The following DLGAP2 variants were observed in gnomAD, a reference collection of about 807,000 sequenced individuals.
The protein encoded by DLGAP2 is DLG associated protein 2, also known as disks large-associated protein 2.
A neutral mutation model predicts 100.3 loss-of-function variants in DLGAP2; 26 were observed. That is an observed-to-expected ratio of 0.26 (90% CI 0.19 to 0.36). The LOEUF (loss-of-function observed/expected upper bound fraction) is 0.36. Among genes scored for constraint, DLGAP2 ranks in the 10% least tolerant of loss-of-function variants. DLGAP2 has a pLI of 1.00. For missense variants in DLGAP2, 1,858 were observed against 1,453.2 expected, an observed-to-expected ratio of 1.28 and a Z score of -4.53; for synonymous variants, 886 against 630.1, an observed-to-expected ratio of 1.41 and a Z score of -6.08.
At chr8:1,356,307 C>CT (rs1716414792) in intron 3 of DLGAP2, among the ~76,000 whole-genome samples, 1 of 152,238 alleles carries the variant, frequency 6.6e-6, no homozygotes, top group Admixed American at 6.5e-5. Context: ...TATCACTCCC[C>CT]TCACCTTACG....
chr8:1,549,026 C>T lies in DLGAP2; in HGVS notation c.573C>T (p.Asn191=), dbSNP rs569842232. 3.8e-6 allele frequency: 6 copies of T among 1,596,560 alleles called. No individual in the cohort carries two copies. The highest frequency in any genetic ancestry group is 5.1e-6 in the Non-Finnish European group (6 of 1,176,842). ...AGAKINRIPA[N]LLDQFEKQLP... Reference sequence around the variant, plus strand: ...CCAAGATCAACCGCATCCCGGCCAACCTGCTGGACCAGTTCGAGAAGCAGC... The same window carrying T: ...CCAAGATCAACCGCATCCCGGCCAATCTGCTGGACCAGTTCGAGAAGCAGC... Residue 191 remains asparagine (N), a synonymous_variant, in exon 5 of 15, where the codon AAC becomes AAT. Coordinates refer to ENST00000637795, the MANE Select transcript of DLGAP2 (RefSeq NM_001346810.2).
intron 1 of DLGAP2, among the ~76,000 whole-genome samples, chr8:835,333 A>G (rs2132707481): frequency 6.6e-6 from 1 of 152,226 alleles, no homozygotes; most frequent in East Asian, 1.9e-4. Context: ...TAGTAAGCCA[A>G]CATTTGGGGT....
At chr8:1,123,338 T>C (rs1796092605) in intron 2 of DLGAP2, among the ~76,000 whole-genome samples, 1 of 152,070 alleles carries the variant, frequency 6.6e-6, no homozygotes, top group African/African-American at 2.4e-5. Flanking sequence ...ATGAGGCGGG[T>C]GATAATATTT....
At chr8:1,601,945 G>GGTGTGT (rs55762722) in intron 6 of DLGAP2, among the ~76,000 whole-genome samples, 10,649 of 146,242 alleles carry the variant, frequency 0.073, 687 homozygotes, top group African/African-American at 0.17. Flanking sequence ...AATTTAACAG[G>GGTGTGT]GTGTGTGTGT....
At chr8:1,568,685 T>C (rs1365017800) in intron 6 of DLGAP2, among the ~76,000 whole-genome samples, 1 of 87,916 alleles carries the variant, frequency 1.1e-5, no homozygotes, top group African/African-American at 4.6e-5. Flanking sequence ...CACAAATCCG[T>C]CTCTGCCCGT....
intron 13 of DLGAP2, among the ~76,000 whole-genome samples, chr8:1,692,831 A>C (rs78380211): frequency 6.6e-6 from 1 of 151,264 alleles, no homozygotes; most frequent in African/African-American, 2.4e-5. Context: ...AAAAAGAAAA[A>C]CCACATATAT....
At chr8:1,584,248 G>A (rs1327673815) in intron 6 of DLGAP2, among the ~76,000 whole-genome samples, 4 of 152,138 alleles carry the variant, frequency 2.6e-5, no homozygotes, top group East Asian at 1.9e-4. Context: ...TAGCGACGCC[G>A]ATAAAGTAAT....
At chr8:938,899 C>G (rs1424824517) in intron 2 of DLGAP2, among the ~76,000 whole-genome samples, 1 of 152,200 alleles carries the variant, frequency 6.6e-6, no homozygotes, top group Non-Finnish European at 1.5e-5. Context: ...CCTTAAGCCC[C>G]GAGGAAGAGT....
Position 1,632,808 on chromosome 8 carries a change from G to T in DLGAP2, c.1591-19G>T, listed in dbSNP as rs1293787761. On this transcript the variant is annotated intron_variant, in intron 7 of 14. Transcript: ENST00000637795. ...ACCCTGGAGGGCCGGGGCATCACGT[G>T]TGCTGTTGATGATTGCAGGTGAGCG... is the stretch of plus-strand genomic sequence containing the variant. The T allele has an allele frequency of 3.1e-6, 5 of 1,590,866 alleles. No homozygotes were observed. Among genetic ancestry groups the T allele is most frequent in the South Asian group, 2.3e-5 (2 of 86,178 alleles).
intron 4 of DLGAP2, among the ~76,000 whole-genome samples, chr8:1,512,017 C>T (rs958924375): frequency 3.3e-5 from 5 of 152,264 alleles, no homozygotes; most frequent in Non-Finnish European, 7.3e-5. Flanking sequence ...AATTACACAT[C>T]TGACTAACAA....
chr8:779,116 G>A (rs189516052), intron 1 of DLGAP2, among the ~76,000 whole-genome samples: 1 of 152,254 alleles, frequency 6.6e-6, no homozygotes, highest in Non-Finnish European at 1.5e-5. Flanking sequence ...GGTGCCGTCC[G>A]TCACCCCTTT....
chr8:946,532 G>A (rs1030151815), intron 2 of DLGAP2, among the ~76,000 whole-genome samples: 32 of 152,244 alleles, frequency 2.1e-4, no homozygotes, highest in South Asian at 4.1e-4. Context: ...CAAAGTGCTG[G>A]GATTACAGGC....
intron 1 of DLGAP2, among the ~76,000 whole-genome samples, chr8:907,219 G>C (rs969612521): frequency 6.6e-6 from 1 of 152,214 alleles, no homozygotes; most frequent in Non-Finnish European, 1.5e-5. Context: ...ATCGTGTGGA[G>C]TATTTAGGAT....
chr8:1,457,975 C>T (rs1238914252), intron 3 of DLGAP2, among the ~76,000 whole-genome samples: 13 of 107,732 alleles, frequency 1.2e-4, no homozygotes, highest in Non-Finnish European at 1.7e-4. Flanking sequence ...GTTCTCTGAT[C>T]ATATATATAT....
At chr8:1,409,426 G>A (rs1442182981) in intron 3 of DLGAP2, among the ~76,000 whole-genome samples, 4 of 152,220 alleles carry the variant, frequency 2.6e-5, no homozygotes, top group African/African-American at 7.2e-5. Flanking sequence ...GTCTAGACCA[G>A]CTGAGAACCA....
intron 4 of DLGAP2, among the ~76,000 whole-genome samples, chr8:1,516,296 T>G (rs1272466184): frequency 6.6e-6 from 1 of 151,902 alleles, no homozygotes; most frequent in Non-Finnish European, 1.5e-5. Context: ...AGTGCATGAA[T>G]GAGTGAGTGA....
chr8:819,631 A>G (rs1796548525), intron 1 of DLGAP2, among the ~76,000 whole-genome samples: 1 of 152,254 alleles, frequency 6.6e-6, no homozygotes, highest in African/African-American at 2.4e-5. Context: ...AGATCAATGA[A>G]TGAACATTAT....
chr8:1,592,503 G>A lies in DLGAP2; in HGVS notation c.1442+26609G>A, dbSNP rs570090915. 3.0e-4 allele frequency among the ~76,000 whole-genome samples: 45 copies of A among 152,030 alleles called. 1 individual carries two copies. In the South Asian group the frequency reaches 7.7e-3, roughly 26 times the overall value. On this transcript the variant is annotated intron_variant, in intron 6 of 14. Coordinates refer to ENST00000637795, the MANE Select transcript of DLGAP2 (RefSeq NM_001346810.2). Reference sequence around the variant, plus strand: ...TTTGCCCCCTGAAGCTCTGGAAAGCGGTCCCCAAATCCCATCCGGATGTAA... The same window carrying A: ...TTTGCCCCCTGAAGCTCTGGAAAGCAGTCCCCAAATCCCATCCGGATGTAA...
intron 2 of DLGAP2, among the ~76,000 whole-genome samples, chr8:1,000,570 T>C (rs1479625153): frequency 2.0e-5 from 3 of 152,176 alleles, no homozygotes; most frequent in Non-Finnish European, 4.4e-5. Flanking sequence ...TGCACTGGTG[T>C]CTAGATTTGG....
Sources: allele counts gnomAD v4.1 joint callset (sites outside exome capture counted in the v4.1 genomes callset), GRCh38; gene constraint gnomAD v4.1.1; transcripts MANE v1.5; gene names NCBI Gene and HGNC (gene_info 2026-07-23, HGNC 2026-07-21).